The following EYS variants were observed in gnomAD, a reference collection of about 807,000 sequenced individuals.
EYS encodes the protein protein eyes shut homolog.
EYS carries 250 observed loss-of-function variants against 282.1 expected under a neutral mutation model. The observed-to-expected ratio is 0.89, with a 90% CI of 0.80 to 0.98. The LOEUF (loss-of-function observed/expected upper bound fraction) is 0.98, where lower values mean the gene tolerates loss of function less well. EYS is among the 50% of genes least tolerant of loss of function. The pLI is 0.00. For missense variants in EYS, 4,016 were observed against 3,709.0 expected (o/e 1.08, Z -2.15); for synonymous variants, 1,355 against 1,282.9 (o/e 1.06, Z -1.20).
intron 7 of EYS, among the ~76,000 whole-genome samples, chr6:65,401,873 G>A (rs1038410499): frequency 2.0e-5 from 3 of 151,916 alleles, no homozygotes; most frequent in Admixed American, 6.6e-5. Context: ...AGTCAGGCAA[G>A]TGTGAAGAGT....
intron 13 of EYS, among the ~76,000 whole-genome samples, chr6:65,006,369 AC>A (rs1384250285): frequency 6.6e-6 from 1 of 152,100 alleles, no homozygotes; most frequent in Non-Finnish European, 1.5e-5. Context: ...CAAATCCTTA[AC>A]CCAGTAACCC....
Position 63,739,449 on chromosome 6 carries a change from A to C in EYS, c.8072-12769T>G, listed in dbSNP as rs545909739. On this transcript the variant is annotated intron_variant, in intron 41 of 42. Transcript: ENST00000503581. Reference sequence around the variant, plus strand: ...TCTCTTCCTGTCATCTTCTCTTTAAACAGTTATTGGATTAAAGCTGTCACT... The same window carrying C: ...TCTCTTCCTGTCATCTTCTCTTTAACCAGTTATTGGATTAAAGCTGTCACT... Among the ~76,000 whole-genome samples, 5 of 152,200 alleles carry C rather than the reference A, an allele frequency of 3.3e-5. No individual in the cohort carries two copies. The East Asian group carries it at 9.7e-4, about 29-fold the overall frequency.
intron 28 of EYS, among the ~76,000 whole-genome samples, chr6:64,419,714 G>T (rs1774167693): frequency 6.6e-6 from 1 of 152,238 alleles, no homozygotes; most frequent in South Asian, 2.1e-4. Flanking sequence ...TCTCACATCT[G>T]AGTCACACTG....
chr6:64,122,197 A>G (rs552099482), intron 31 of EYS, among the ~76,000 whole-genome samples: 1 of 152,156 alleles, frequency 6.6e-6, no homozygotes, highest in Non-Finnish European at 1.5e-5. Context: ...AAATTAGTAA[A>G]TAAAAATGAA....
intron 26 of EYS, among the ~76,000 whole-genome samples, chr6:64,480,533 A>C (rs1300156835): frequency 6.6e-6 from 1 of 151,868 alleles, no homozygotes; most frequent in Non-Finnish European, 1.5e-5. Flanking sequence ...GATAAGACTA[A>C]ATGAAAGTTT....
chr6:63,953,236 T>A (rs1294997449), intron 35 of EYS, among the ~76,000 whole-genome samples: 1 of 152,226 alleles, frequency 6.6e-6, no homozygotes, highest in African/African-American at 2.4e-5. Flanking sequence ...TGGGCTGTAC[T>A]GCCGCAAGGC....
chr6:65,614,465 A>T, intron 2 of EYS, among the ~76,000 whole-genome samples: 1 of 138,562 alleles, frequency 7.2e-6, no homozygotes, highest in East Asian at 2.0e-4. Flanking sequence ...GATCCAGAAT[A>T]TGTTGCATTA....
chr6:65,246,737 C>T (rs1046176783), intron 12 of EYS, among the ~76,000 whole-genome samples: 2 of 152,096 alleles, frequency 1.3e-5, no homozygotes, highest in African/African-American at 2.4e-5. Flanking sequence ...CGTGCTCGCT[C>T]GCACTCTCTT....
chr6:64,183,191 T>C (rs1764837789), intron 31 of EYS, among the ~76,000 whole-genome samples: 1 of 152,138 alleles, frequency 6.6e-6, no homozygotes, highest in Admixed American at 6.5e-5. Context: ...CCTTCCACTA[T>C]GATTGTAAGT....
At chr6:63,780,155 C>T (rs977554532) in intron 39 of EYS, among the ~76,000 whole-genome samples, 1 of 152,174 alleles carries the variant, frequency 6.6e-6, no homozygotes, top group African/African-American at 2.4e-5. Flanking sequence ...CATTGATGGG[C>T]ATTTGGGTTG....
chr6:64,276,381 C>A (rs559972537), intron 30 of EYS, among the ~76,000 whole-genome samples: 68 of 152,304 alleles, frequency 4.5e-4, no homozygotes, highest in African/African-American at 1.6e-3. Context: ...ACATTTTCTT[C>A]ATCTCTGTCC....
chr6:65,484,779 T>C (rs964258935), intron 5 of EYS, among the ~76,000 whole-genome samples: 2 of 152,208 alleles, frequency 1.3e-5, no homozygotes, highest in African/African-American at 4.8e-5. Flanking sequence ...GTTCTTGCTA[T>C]AGAGGTTTGG....
intron 9 of EYS, 24 bp from the exon 10 acceptor site, chr6:65,344,201 A>G (rs747646144): frequency 1.9e-6 from 3 of 1,569,954 alleles, no homozygotes; most frequent in Admixed American, 3.4e-5. Flanking sequence ...GAGATAAAAA[A>G]TTAAATAAAC....
intron 26 of EYS, among the ~76,000 whole-genome samples, chr6:64,495,235 A>C (rs1197812681): frequency 6.6e-6 from 1 of 151,690 alleles, no homozygotes; most frequent in Non-Finnish European, 1.5e-5. Flanking sequence ...TACTACATAC[A>C]TGTTGGTGGG....
intron 28 of EYS, among the ~76,000 whole-genome samples, chr6:64,390,079 G>A (rs551678869): frequency 2.3e-3 from 353 of 152,080 alleles, no homozygotes; most frequent in Non-Finnish European, 3.9e-3. Flanking sequence ...CTTAAAAAAC[G>A]GCACATCACG....
intron 31 of EYS, among the ~76,000 whole-genome samples, chr6:64,103,238 A>G (rs914455652): frequency 6.6e-6 from 1 of 152,212 alleles, no homozygotes; most frequent in Admixed American, 6.5e-5. Flanking sequence ...ACTTACCAGC[A>G]AAAGAAAAAT....
chr6:64,240,596 T>C (rs1046398525), intron 30 of EYS, among the ~76,000 whole-genome samples: 11 of 152,206 alleles, frequency 7.2e-5, no homozygotes, highest in East Asian at 3.9e-4. Flanking sequence ...TTTTTGCACA[T>C]TGATTTTGTA....
In EYS at chr6:64,638,614, T is replaced by A. The variant is rs1213747158; in HGVS notation, c.3444-12369A>T. Among the ~76,000 whole-genome samples the A allele has an allele frequency of 2.2e-5, 2 of 91,160 alleles. 1 individual carries two copies. Among genetic ancestry groups the A allele is most frequent in the Non-Finnish European group, 4.7e-5 (2 of 42,270 alleles). 59.8% of individuals were successfully genotyped at this position (91,160 alleles called of 152,430 possible). A position where few individuals can be genotyped will look rare whatever the true frequency, so the allele number is the denominator to read the frequency against. Reference sequence around the variant, plus strand: ...GCAAGACATCTTGCCTGTGTTCTTTTTAGACTATCTTCACCCTGAGACAAC... The same window carrying A: ...GCAAGACATCTTGCCTGTGTTCTTTATAGACTATCTTCACCCTGAGACAAC... On this transcript the variant is annotated intron_variant, in intron 22 of 42. Coordinates refer to ENST00000503581, the MANE Select transcript of EYS (RefSeq NM_001142800.2).
intron 22 of EYS, among the ~76,000 whole-genome samples, chr6:64,775,837 A>T (rs1562185226): frequency 6.6e-6 from 1 of 152,190 alleles, no homozygotes; most frequent in South Asian, 2.1e-4. Context: ...AGTACAATAT[A>T]TCTAATTTTT....
Sources: allele counts gnomAD v4.1 joint callset (sites outside exome capture counted in the v4.1 genomes callset), GRCh38; gene constraint gnomAD v4.1.1; transcripts MANE v1.5; gene names NCBI Gene and HGNC (gene_info 2026-07-23, HGNC 2026-07-21).